FBXW2: variants seen among roughly 807,000 people sequenced by gnomAD.
The protein encoded by FBXW2 is F-box and WD repeat domain containing 2.
In FBXW2, 12 loss-of-function variants were observed where a neutral mutation model predicts 46.0. The observed-to-expected ratio is 0.26, with a 90% CI of 0.17 to 0.42. The LOEUF (loss-of-function observed/expected upper bound fraction) is 0.42, where lower values mean the gene tolerates loss of function less well. Ranked by LOEUF, FBXW2 falls within the 10% of genes least tolerant of loss-of-function variation. FBXW2 has a pLI of 1.00. For synonymous variants in FBXW2, 203 were observed against 209.6 expected (o/e 0.97, Z 0.27); for missense variants, 360 against 537.0 (o/e 0.67, Z 3.26).
At chr9:120,767,121 G>C (rs117219809) in intron 7 of FBXW2, among the ~76,000 whole-genome samples, 2,885 of 152,168 alleles carry the variant, frequency 0.019, 48 homozygotes, top group Non-Finnish European at 0.028. Flanking sequence ...ATGCAACTGG[G>C]CAATATAGAT....
chr9:120,773,487 C>A (rs575992279), intron 5 of FBXW2, among the ~76,000 whole-genome samples: 2 of 152,244 alleles, frequency 1.3e-5, no homozygotes, highest in Non-Finnish European at 2.9e-5. Context: ...AGACAAGCAC[C>A]TATTATCTTA....
chr9:120,770,756 C>T (rs1034470194), intron 7 of FBXW2, among the ~76,000 whole-genome samples: 3 of 152,236 alleles, frequency 2.0e-5, no homozygotes, highest in African/African-American at 7.2e-5. Flanking sequence ...CCACATGGCA[C>T]TGGCTTCCAT....
At position 120,761,780 on chromosome 9, in the gene FBXW2, C is replaced by T. The variant is rs1381776243; in HGVS notation, c.*2779G>A. 6.6e-6 allele frequency: 1 copy of T among 152,090 alleles called. No individual in the cohort carries two copies. The highest frequency in any genetic ancestry group is 1.5e-5 in the Non-Finnish European group (1 of 68,006). 9.4% of individuals were successfully genotyped at this position (152,090 alleles called of 1,614,324 possible). On this transcript the variant is annotated 3_prime_UTR_variant, in exon 8 of 8. Coordinates refer to ENST00000608872, the MANE Select transcript of FBXW2 (RefSeq NM_012164.4). The stretch of plus-strand genomic sequence containing the variant: ...AGCTGCATGATGATGCCACTGTACT[C>T]CAGCCTGTATGACAGAGCAAGACTG...
chr9:120,772,220 C>T (rs367854544), intron 6 of FBXW2, among the ~76,000 whole-genome samples: 10 of 151,970 alleles, frequency 6.6e-5, no homozygotes, highest in East Asian at 5.8e-4. Context: ...ATGGGCCGGG[C>T]GTGGTGGCTC....
At position 120,778,438 on chromosome 9, in the gene FBXW2, C is replaced by A; in HGVS notation, c.598G>T (p.Val200Leu). 1 of 1,614,084 alleles carries A rather than the reference C, an allele frequency of 6.2e-7. No homozygotes were observed. Among genetic ancestry groups the A allele is most frequent in the Non-Finnish European group, 8.5e-7 (1 of 1,180,020 alleles). ...AAVKFDEQKL[V>L]TGSFDNTVAC... ...ACAGTGTTGTCAAAGGAGCCTGTCA[C>A]AAGCTTCTGTTCATCAAACTTCACC... is the stretch of plus-strand genomic sequence containing the variant. The change falls in exon 4 of 8, where the codon GTG becomes TTG. Residue 200 changes from valine to leucine, a missense_variant. Coordinates refer to ENST00000608872, the MANE Select transcript of FBXW2 (RefSeq NM_012164.4).
At chr9:120,771,257 T>G in intron 7 of FBXW2, 91 bp downstream of exon 7, 1 of 1,230,350 alleles carries the variant, frequency 8.1e-7, no homozygotes. Context: ...AGCCAGCTAC[T>G]GACTGGTACA....
chr9:120,779,075 A>G (rs2131335532), intron 3 of FBXW2, among the ~76,000 whole-genome samples: 1 of 152,354 alleles, frequency 6.6e-6, no homozygotes, highest in South Asian at 2.1e-4. Flanking sequence ...TAATTGCTCC[A>G]GTCATCTTGA....
chr9:120,783,812 A>G (rs1588045878), intron 3 of FBXW2, among the ~76,000 whole-genome samples: 1 of 152,336 alleles, frequency 6.6e-6, no homozygotes, highest in East Asian at 1.9e-4. Context: ...CATTTCAGAA[A>G]TAAATTGCGA....
intron 2 of FBXW2, 53 bp downstream of exon 2, chr9:120,793,096 T>G: frequency 1.3e-6 from 1 of 761,914 alleles, no homozygotes; most frequent in Non-Finnish European, 2.2e-6. Context: ...CATCAACCCA[T>G]TCGTTGCTCC....
Position 120,780,503 on chromosome 9 carries a change from A to G in FBXW2, c.491-1958T>C, listed in dbSNP as rs1588041563. 1.3e-5 allele frequency among the ~76,000 whole-genome samples: 2 copies of G among 152,326 alleles called. 1 individual carries two copies. Among genetic ancestry groups the G allele is most frequent in the South Asian group, 4.1e-4 (2 of 4,826 alleles). On this transcript the variant is annotated intron_variant, in intron 3 of 7. Transcript: ENST00000608872. ...ATGTCTTTGAAACCCAGTATTTCAC[A>G]CCTCCATTTGGACTAGCCACAGCTC...
intron 7 of FBXW2, among the ~76,000 whole-genome samples, chr9:120,767,058 T>G (rs1198518165): frequency 5.3e-5 from 8 of 152,242 alleles, no homozygotes. Context: ...CAAATCTTTC[T>G]GTCTTTTATA....
At chr9:120,772,717 T>C (rs1332704240) in intron 6 of FBXW2, 37 bp downstream of exon 6, 1 of 1,389,250 alleles carries the variant, frequency 7.2e-7, no homozygotes, top group Admixed American at 2.4e-5. Flanking sequence ...TTCCAGTTTT[T>C]CTTTAATGAA....
At chr9:120,790,507 A>G (rs888383574) in intron 2 of FBXW2, among the ~76,000 whole-genome samples, 1 of 151,998 alleles carries the variant, frequency 6.6e-6, no homozygotes, top group African/African-American at 2.4e-5. Context: ...AAGAAAAAAA[A>G]CCACACACCT....
chr9:120,780,192 T>TA (rs556785709), intron 3 of FBXW2, among the ~76,000 whole-genome samples: 28 of 142,574 alleles, frequency 2.0e-4, no homozygotes, highest in African/African-American at 6.0e-4. Context: ...CTGTCTCCAC[T>TA]AAAAAAAATA....
chr9:120,775,200 C>T (rs2044467110), intron 5 of FBXW2, among the ~76,000 whole-genome samples: 2 of 152,050 alleles, frequency 1.3e-5, no homozygotes, highest in South Asian at 2.1e-4. Flanking sequence ...GCTGGGATTA[C>T]GCCTGGCTGA....
rs748220757 is a variant in FBXW2 at position 120,778,500 on chromosome 9, T to C, written c.536A>G (p.Gln179Arg). 6.2e-7 allele frequency: 1 copy of C among 1,614,186 alleles called. No individual in the cohort carries two copies. The change falls in exon 4 of 8, where the codon CAG becomes CGG. Residue 179 changes from glutamine (Q) to arginine (R), a missense_variant. Coordinates refer to ENST00000608872, the MANE Select transcript of FBXW2 (RefSeq NM_012164.4). ...SAKLWDVSTGQCVYGIQTHTC... is the reference protein window; with the variant it reads ...SAKLWDVSTGRCVYGIQTHTC... ...GTGGGTCTGGATGCCATAAACGCAC[T>C]GCCCTGTGCTCACATCCCACAGCTT...
intron 3 of FBXW2, among the ~76,000 whole-genome samples, chr9:120,787,512 T>C (rs976929610): frequency 1.3e-5 from 2 of 152,126 alleles, no homozygotes; most frequent in African/African-American, 2.4e-5. Context: ...GAAAAAGTAA[T>C]CTATAGCTTT....
chr9:120,766,247 C>G (rs2044273612), intron 7 of FBXW2, among the ~76,000 whole-genome samples: 1 of 152,116 alleles, frequency 6.6e-6, no homozygotes, highest in Non-Finnish European at 1.5e-5. Flanking sequence ...CATAGGGTAA[C>G]TGTATATGAG....
chr9:120,785,294 G>A (rs1434376235), intron 3 of FBXW2, among the ~76,000 whole-genome samples: 1 of 152,114 alleles, frequency 6.6e-6, no homozygotes, highest in Non-Finnish European at 1.5e-5. Context: ...ACAGGCATGA[G>A]CCCCCTCATT....
Sources: allele counts gnomAD v4.1 joint callset (sites outside exome capture counted in the v4.1 genomes callset), GRCh38; gene constraint gnomAD v4.1.1; transcripts MANE v1.5; gene names NCBI Gene and HGNC (gene_info 2026-07-23, HGNC 2026-07-21).